Variants in ATP2B2 observed in about 807,000 individuals in gnomAD.
ATP2B2 encodes the protein plasma membrane calcium-transporting ATPase 2.
ATP2B2 carries 15 observed loss-of-function variants against 120.0 expected under a neutral mutation model. That is an observed-to-expected ratio of 0.12 (90% CI 0.08 to 0.19). ATP2B2 has a LOEUF of 0.19. Ranked by LOEUF, ATP2B2 falls within the 10% of genes least tolerant of loss-of-function variation. The pLI is 1.00. For synonymous variants in ATP2B2, 694 were observed against 700.3 expected, an observed-to-expected ratio of 0.99 and a Z score of 0.14; for missense variants, 1,045 against 1,719.8, an observed-to-expected ratio of 0.61 and a Z score of 6.94.
chr3:10,576,439 G>GGT (rs1376362153), intron 2 of ATP2B2, among the ~76,000 whole-genome samples: 4 of 152,048 alleles, frequency 2.6e-5, no homozygotes, highest in Non-Finnish European at 5.9e-5. Flanking sequence ...GGAGTGCAGT[G>GGT]GTATCATCAT....
At chr3:10,518,785 G>A (rs2066924951) in intron 3 of ATP2B2, among the ~76,000 whole-genome samples, 1 of 152,170 alleles carries the variant, frequency 6.6e-6, no homozygotes, top group South Asian at 2.1e-4. Flanking sequence ...CCCGGGCCCC[G>A]CTTTCACCGG....
intron 1 of ATP2B2, among the ~76,000 whole-genome samples, chr3:10,621,678 A>G (rs2069553897): frequency 6.6e-6 from 1 of 152,224 alleles, no homozygotes; most frequent in South Asian, 2.1e-4. Context: ...TAATAAGGCC[A>G]ACCTGGAGGG....
chr3:10,437,063 G>T (rs2063501397), intron 2 of ATP2B2, among the ~76,000 whole-genome samples: 1 of 152,166 alleles, frequency 6.6e-6, no homozygotes, highest in Non-Finnish European at 1.5e-5. Context: ...CTTTCCTAAT[G>T]TGGGGCACTT....
intron 1 of ATP2B2, among the ~76,000 whole-genome samples, chr3:10,703,267 T>G (rs1322591460): frequency 2.0e-5 from 3 of 152,166 alleles, no homozygotes; most frequent in East Asian, 1.9e-4. Context: ...TTTCTCCTCC[T>G]GGGAGGGAGT....
At chr3:10,384,957 T>C (rs1318218752) in intron 8 of ATP2B2, among the ~76,000 whole-genome samples, 1 of 152,148 alleles carries the variant, frequency 6.6e-6, no homozygotes, top group Non-Finnish European at 1.5e-5. Context: ...CCATGCCAGG[T>C]GGGACGCTCC....
chr3:10,375,720 T>C lies in ATP2B2; in HGVS notation c.1202-76A>G. 2 of 1,375,542 alleles carry C rather than the reference T, an allele frequency of 1.5e-6. No individual in the cohort carries two copies. Among genetic ancestry groups the C allele is most frequent in the Non-Finnish European group, 2.0e-6 (2 of 978,700 alleles). The allele number at this position is 1,375,542 out of a possible 1,614,324, so 85.2% of individuals were successfully genotyped here. On this transcript the variant is annotated intron_variant, in intron 10 of 22. Transcript: ENST00000360273. The surrounding 1 kb of genome is among the most constrained non-coding windows in gnomAD (Gnocchi z 4.2). Reference sequence around the variant, plus strand: ...GGGTGGTGTGGACCAAATCTTTGGCTGAAAGAGCTCCGGGTCAGGCTGACC... The same window carrying C: ...GGGTGGTGTGGACCAAATCTTTGGCCGAAAGAGCTCCGGGTCAGGCTGACC...
At chr3:10,680,324 T>C (rs1347352) in intron 1 of ATP2B2, among the ~76,000 whole-genome samples, 131,125 of 151,536 alleles carry the variant, frequency 0.87, 57,038 homozygotes, top group African/African-American at 0.97. Context: ...CTGAGGGTTC[T>C]GGAGGCCCAG....
intron 2 of ATP2B2, among the ~76,000 whole-genome samples, chr3:10,583,555 T>G (rs2068440148): frequency 6.6e-6 from 1 of 152,186 alleles, no homozygotes; most frequent in Non-Finnish European, 1.5e-5. Flanking sequence ...ATTGCATATT[T>G]CATTCAGGAA....
intron 14 of ATP2B2, among the ~76,000 whole-genome samples, chr3:10,356,721 A>T (rs577199645): frequency 1.4e-3 from 206 of 152,292 alleles, no homozygotes; most frequent in African/African-American, 4.8e-3. Flanking sequence ...GCAAGGATGA[A>T]GAGTTTTCAG....
At chr3:10,609,208 C>T (rs6791210) in intron 2 of ATP2B2, among the ~76,000 whole-genome samples, 30,072 of 151,850 alleles carry the variant, frequency 0.2, 3,313 homozygotes, top group East Asian at 0.36. Context: ...GGGTGTGTAC[C>T]AGGCAAGCTG....
At chr3:10,428,940 A>G (rs1426928606) in intron 2 of ATP2B2, among the ~76,000 whole-genome samples, 1 of 152,160 alleles carries the variant, frequency 6.6e-6, no homozygotes, top group Non-Finnish European at 1.5e-5. Flanking sequence ...CCTGCTTGGC[A>G]GGGCTTTAGC....
chr3:10,482,716 C>A (rs188195070), intron 1 of ATP2B2, among the ~76,000 whole-genome samples: 17 of 152,374 alleles, frequency 1.1e-4, no homozygotes, highest in Admixed American at 3.3e-4. Flanking sequence ...TGGGCCCCAC[C>A]TGAGCCTTCT....
At chr3:10,393,966 T>C (rs2061944616) in intron 5 of ATP2B2, among the ~76,000 whole-genome samples, 1 of 152,148 alleles carries the variant, frequency 6.6e-6, no homozygotes, top group Non-Finnish European at 1.5e-5. Flanking sequence ...TTGTGGGGTA[T>C]GCTGAGCCAT....
chr3:10,671,686 G>A (rs970310206), intron 1 of ATP2B2, among the ~76,000 whole-genome samples: 1 of 129,920 alleles, frequency 7.7e-6, no homozygotes, highest in East Asian at 2.3e-4. Flanking sequence ...TAGAATCCCA[G>A]TTTGATTCTA....
At chr3:10,513,721 G>A (rs555769858) in intron 3 of ATP2B2, among the ~76,000 whole-genome samples, 21 of 152,248 alleles carry the variant, frequency 1.4e-4, no homozygotes, top group East Asian at 9.7e-4. Context: ...TCACAGAGTC[G>A]CGAATGTGCA....
chr3:10,400,008 G>A lies in ATP2B2; in HGVS notation c.781+945C>T, dbSNP rs537564591. 1.1e-4 allele frequency among the ~76,000 whole-genome samples: 17 copies of A among 152,348 alleles called. No homozygotes were observed. The South Asian group carries it at 2.1e-3, about 19-fold the overall frequency. The stretch of plus-strand genomic sequence containing the variant: ...GGCCTGAATCACTGGTGGGTTGGGG[G>A]TGGAGATAGTCCCAGCACTTGGCCT... On this transcript the variant is annotated intron_variant, in intron 5 of 22. Transcript: ENST00000360273.
chr3:10,634,208 T>C (rs1465174059), intron 1 of ATP2B2, among the ~76,000 whole-genome samples: 4 of 152,208 alleles, frequency 2.6e-5, no homozygotes. Flanking sequence ...CTTTATTACT[T>C]TCAATCACAT....
At chr3:10,560,937 C>CAGTAG (rs1190211794) in intron 2 of ATP2B2, among the ~76,000 whole-genome samples, 5 of 152,164 alleles carry the variant, frequency 3.3e-5, no homozygotes, top group Admixed American at 6.5e-5. Context: ...ACCCCAGGAC[C>CAGTAG]TATGTATGTA....
At chr3:10,376,775 G>C (rs2061392794) in intron 10 of ATP2B2, among the ~76,000 whole-genome samples, 1 of 152,204 alleles carries the variant, frequency 6.6e-6, no homozygotes, top group Admixed American at 6.5e-5. Context: ...TTTGAGGTAG[G>C]ACAGACCCTA....
Sources: allele counts gnomAD v4.1 joint callset (sites outside exome capture counted in the v4.1 genomes callset), GRCh38; gene constraint gnomAD v4.1.1; non-coding constraint Gnocchi (gnomAD v3.1); transcripts MANE v1.5; gene names NCBI Gene and HGNC (gene_info 2026-07-23, HGNC 2026-07-21).